KIAA0319: variants seen among roughly 807,000 people sequenced by gnomAD.
KIAA0319 encodes dyslexia-associated protein KIAA0319.
KIAA0319 carries 83 observed loss-of-function variants against 108.4 expected under a neutral mutation model. That is an observed-to-expected ratio of 0.77 (90% CI 0.64 to 0.92). The LOEUF (loss-of-function observed/expected upper bound fraction) is 0.92. Among genes scored for constraint, KIAA0319 ranks in the 40% least tolerant of loss-of-function variants. The pLI is 0.00. For missense variants in KIAA0319, 1,195 were observed against 1,322.4 expected, an observed-to-expected ratio of 0.90 and a Z score of 1.49; for synonymous variants, 484 against 510.4, an observed-to-expected ratio of 0.95 and a Z score of 0.70.
rs776700211 is a variant in KIAA0319 at position 24,566,641 on chromosome 6, C to T, written c.2248G>A (p.Val750Met). Residue 750 changes from valine to methionine, a missense_variant, in exon 14 of 21, where the codon GTG (valine) becomes ATG (methionine). Coordinates refer to ENST00000378214, the MANE Select transcript of KIAA0319 (RefSeq NM_014809.4). ...CCATCCCGGATCCACAGATAGGACA[C>T]AATTCTTTGGTCATCAGTAGACCTT... ...GSRSTDDQRI[V>M]SYLWIRDGQS... is the part of the protein sequence containing the mutation. The T allele has an allele frequency of 1.2e-6, 2 of 1,612,974 alleles. No individual in the cohort carries two copies. Among genetic ancestry groups the T allele is most frequent in the Non-Finnish European group, 1.7e-6 (2 of 1,179,568 alleles).
intron 1 of KIAA0319, among the ~76,000 whole-genome samples, chr6:24,618,724 T>C (rs1372106684): frequency 6.6e-6 from 1 of 151,332 alleles, no homozygotes; most frequent in Non-Finnish European, 1.5e-5. Flanking sequence ...GTCCCAAAGA[T>C]TTCAGATAAT....
At chr6:24,595,779 C>A in intron 3 of KIAA0319, 94 bp downstream of exon 3, 2 of 1,397,550 alleles carry the variant, frequency 1.4e-6, no homozygotes, top group Admixed American at 4.5e-5. Flanking sequence ...GCTCATACAG[C>A]CTGAATGAGT....
Position 24,592,004 on chromosome 6 carries a change from G to A in KIAA0319, c.802-3219C>T, listed in dbSNP as rs549462553. Among the ~76,000 whole-genome samples the A allele has an allele frequency of 3.3e-5, 5 of 152,114 alleles. No homozygotes were observed. In the South Asian group the frequency reaches 1.0e-3, roughly 32 times the overall value. On this transcript the variant is annotated intron_variant, in intron 3 of 20. Transcript: ENST00000378214. ...TCCATCAAGAAAGCTTTACTCTTTT[G>A]ATGTTGTCATCTGAAATACAAAAGT... is the stretch of plus-strand genomic sequence containing the variant.
chr6:24,558,415 C>T (rs531520262), intron 17 of KIAA0319, among the ~76,000 whole-genome samples: 1 of 144,836 alleles, frequency 6.9e-6, no homozygotes, highest in Admixed American at 6.9e-5. Context: ...ATATCTGAAA[C>T]AAATTAAATT....
chr6:24,604,714 T>C (rs974423753), intron 1 of KIAA0319, among the ~76,000 whole-genome samples: 2 of 152,188 alleles, frequency 1.3e-5, no homozygotes, highest in East Asian at 1.9e-4. Context: ...GGTTCTTTCT[T>C]TGGGGGTACT....
chr6:24,598,963 T>G, intron 2 of KIAA0319: 1 of 625,938 alleles, frequency 1.6e-6, no homozygotes, highest in South Asian at 1.6e-5. Flanking sequence ...GAAGCTTACA[T>G]GAACAAGGTA....
Position 24,601,174 on chromosome 6 carries a change from T to TGGTTTG in KIAA0319, c.-72_-71insCAAACC. On this transcript the variant is annotated 5_prime_UTR_variant, in exon 2 of 21. Transcript: ENST00000378214. ...AAGAGAGTTTGGTGCAAGCTTCCTT[T>TGGTTTG]GATGTTTTTTAGGAGCCAGATTTGG... The TGGTTTG allele has an allele frequency of 1.3e-6, 2 of 1,581,390 alleles. No individual in the cohort carries two copies. The highest frequency in any genetic ancestry group is 2.3e-5 in the South Asian group (2 of 85,654).
intron 1 of KIAA0319, among the ~76,000 whole-genome samples, chr6:24,627,877 T>A (rs922261765): frequency 6.6e-6 from 1 of 152,216 alleles, no homozygotes. Context: ...ATAGTCACTA[T>A]TCAAAAATTA....
At chr6:24,553,270 GATAGATATATATAT>G (rs1250401898) in intron 19 of KIAA0319, among the ~76,000 whole-genome samples, 14 of 105,996 alleles carry the variant, frequency 1.3e-4, no homozygotes, top group African/African-American at 6.6e-4. Flanking sequence ...GTACTTGTGA[GATAGATATATATAT>G]ATATATATAT....
chr6:24,590,819 T>C lies in KIAA0319; in HGVS notation c.802-2034A>G, dbSNP rs73388290. ...CACATGCCAATTCTTCCCTTCACTA[T>C]TCAGTAATCCACCCACAACCTCCAC... On this transcript the variant is annotated intron_variant, in intron 3 of 20. Transcript: ENST00000378214. Among the ~76,000 whole-genome samples, 189 of 152,308 alleles carry C rather than the reference T, an allele frequency of 1.2e-3. 1 individual carries two copies. The highest frequency in any genetic ancestry group is 4.3e-3 in the African/African-American group (177 of 41,576).
Position 24,580,921 on chromosome 6 carries a change from C to T in KIAA0319, c.1279+5G>A. Reference sequence around the variant, plus strand: ...ACAGGAGGTCATTCTCTTACACCGGCTTACCAGGCTTAACAGTGACATTGA... The same window carrying T: ...ACAGGAGGTCATTCTCTTACACCGGTTTACCAGGCTTAACAGTGACATTGA... On this transcript the variant is annotated splice_donor_5th_base_variant and intron_variant, in intron 7 of 20. Transcript: ENST00000378214. 1 of 1,599,318 alleles carries T rather than the reference C, an allele frequency of 6.3e-7. No individual in the cohort carries two copies. The highest frequency in any genetic ancestry group is 1.7e-4 in the Middle Eastern group (1 of 6,036).
chr6:24,638,560 A>G (rs1431628339), intron 1 of KIAA0319, among the ~76,000 whole-genome samples: 1 of 152,182 alleles, frequency 6.6e-6, no homozygotes, highest in Non-Finnish European at 1.5e-5. Flanking sequence ...GGAGATCGAG[A>G]CCATCCTGGC....
chr6:24,544,690 A>G lies in KIAA0319; in HGVS notation c.*2475T>C, dbSNP rs1760418607. 1 of 151,996 alleles carries G rather than the reference A, an allele frequency of 6.6e-6. No individual in the cohort carries two copies. Among genetic ancestry groups the G allele is most frequent in the African/African-American group, 2.4e-5 (1 of 41,350 alleles). 9.4% of individuals were successfully genotyped at this position (151,996 alleles called of 1,614,324 possible). A position where few individuals can be genotyped will look rare whatever the true frequency, so the allele number is the denominator to read the frequency against. ...TTGTTAGCCTGTGAGCCCTACAAAC[A>G]CCCACTCCCATATTCTAGGGCCTGT... On this transcript the variant is annotated 3_prime_UTR_variant, in exon 21 of 21. Coordinates refer to ENST00000378214, the MANE Select transcript of KIAA0319 (RefSeq NM_014809.4).
intron 1 of KIAA0319, among the ~76,000 whole-genome samples, chr6:24,614,410 T>C (rs1772847701): frequency 6.6e-6 from 1 of 152,196 alleles, no homozygotes; most frequent in Non-Finnish European, 1.5e-5. Context: ...CTGAGGTCAT[T>C]GTTCCCTCCT....
chr6:24,600,230 T>A lies in KIAA0319; in HGVS notation c.55+819A>T, dbSNP rs1770420265. 2.6e-5 allele frequency among the ~76,000 whole-genome samples: 4 copies of A among 152,294 alleles called. No homozygotes were observed. The East Asian group carries it at 5.8e-4, about 22-fold the overall frequency. On this transcript the variant is annotated intron_variant, in intron 2 of 20. Coordinates refer to ENST00000378214, the MANE Select transcript of KIAA0319 (RefSeq NM_014809.4). Reference sequence around the variant, plus strand: ...TCATCTAAAACATTAATGAAGGTATTTTCTAGAGTATATTAAAGATGAAAT... The same window carrying A: ...TCATCTAAAACATTAATGAAGGTATATTCTAGAGTATATTAAAGATGAAAT...
rs149578731 is a variant in KIAA0319, at chr6:24,549,417, C to T, written c.3040+2017G>A. Among the ~76,000 whole-genome samples, 271 of 151,616 alleles carry T rather than the reference C, an allele frequency of 1.8e-3. 1 individual carries two copies. The highest frequency in any genetic ancestry group is 6.3e-3 in the African/African-American group (259 of 41,350). On this transcript the variant is annotated intron_variant, in intron 20 of 20. Coordinates refer to ENST00000378214, the MANE Select transcript of KIAA0319 (RefSeq NM_014809.4). ...TGAGGAGGCACCAACTATGAGGAAGCGGCCCTGCCCAGATGTTGAATTTGC... is the reference window on the plus strand; with the variant it reads ...TGAGGAGGCACCAACTATGAGGAAGTGGCCCTGCCCAGATGTTGAATTTGC...
intron 1 of KIAA0319, among the ~76,000 whole-genome samples, chr6:24,632,115 T>A (rs1460875834): frequency 6.6e-6 from 1 of 152,292 alleles, no homozygotes; most frequent in South Asian, 2.1e-4. Flanking sequence ...TTTTTCCCTA[T>A]GAAGGAAGAG....
intron 1 of KIAA0319, among the ~76,000 whole-genome samples, chr6:24,602,755 C>T (rs1770833092): frequency 6.6e-6 from 1 of 152,018 alleles, no homozygotes; most frequent in African/African-American, 2.4e-5. Flanking sequence ...GAGCCGAGAT[C>T]ACGCCACTGC....
chr6:24,568,846 C>T lies in KIAA0319; in HGVS notation c.2075G>A (p.Arg692His), dbSNP rs138629379. The change falls in exon 13 of 21, where the codon CGT becomes CAT. Residue 692 changes from arginine (R) to histidine (H), a missense_variant. Coordinates refer to ENST00000378214, the MANE Select transcript of KIAA0319 (RefSeq NM_014809.4). The part of the protein sequence containing the change: ...TGLQVGTYHF[R>H]LTVKDQQGLS... ...TCCCTGCTGGTCTTTCACTGTCAAA[C>T]GGAAGTGGTAGGTCCCCACCTGGAG... 9 of 1,614,136 alleles carry T rather than the reference C, an allele frequency of 5.6e-6. No individual in the cohort carries two copies. The East Asian group carries it at 6.7e-5, about 12-fold the overall frequency.
Sources: gnomAD v4.1 joint callset for allele counts (sites outside exome capture counted in the v4.1 genomes callset) on GRCh38, gnomAD v4.1.1 for gene constraint, MANE v1.5 for transcripts, NCBI Gene and HGNC (gene_info 2026-07-23, HGNC 2026-07-21) for gene names.